NEBL: variants seen among roughly 807,000 people sequenced by gnomAD.
NEBL encodes nebulette, also known as LIM and SH3 protein 2.
In NEBL, 122 loss-of-function variants were observed where a neutral mutation model predicts 140.2. That is an observed-to-expected ratio of 0.87 (90% CI 0.75 to 1.01). The LOEUF (loss-of-function observed/expected upper bound fraction) is 1.01, where lower values mean the gene tolerates loss of function less well. NEBL is among the 50% of genes least tolerant of loss of function. The pLI, the probability that NEBL is intolerant of heterozygous loss-of-function variation, is 0.00. For synonymous variants in NEBL, 436 were observed against 398.9 expected, an observed-to-expected ratio of 1.09 and a Z score of -1.11; for missense variants, 1,365 against 1,231.3, an observed-to-expected ratio of 1.11 and a Z score of -1.62.
intron 2 of NEBL, among the ~76,000 whole-genome samples, chr10:21,150,193 C>G (rs549265546): frequency 1.3e-5 from 2 of 152,120 alleles, no homozygotes; most frequent in South Asian, 4.1e-4. Flanking sequence ...AAAATATGGA[C>G]CAAAAATATT....
At chr10:20,938,111 C>A (rs924247103) in intron 4 of NEBL, among the ~76,000 whole-genome samples, 6 of 152,228 alleles carry the variant, frequency 3.9e-5, no homozygotes, top group Non-Finnish European at 7.3e-5. Flanking sequence ...CAGCACACAG[C>A]TGGAGATCTG....
chr10:21,270,127 C>G (rs564399888), intron 1 of NEBL, among the ~76,000 whole-genome samples: 2 of 152,314 alleles, frequency 1.3e-5, no homozygotes, highest in East Asian at 3.9e-4. Flanking sequence ...TGGAATTCCA[C>G]TGAATGGTGG....
chr10:21,107,090 G>T (rs1005849822), intron 2 of NEBL, among the ~76,000 whole-genome samples: 1 of 152,082 alleles, frequency 6.6e-6, no homozygotes, highest in Non-Finnish European at 1.5e-5. Context: ...GGGCTGAGAC[G>T]ATGGGTTTTT....
chr10:21,158,369 G>A (rs73609207), intron 2 of NEBL, among the ~76,000 whole-genome samples: 5,013 of 152,270 alleles, frequency 0.033, 294 homozygotes, highest in African/African-American at 0.11. Flanking sequence ...TCTACTCTAT[G>A]TCAACTATTT....
intron 3 of NEBL, among the ~76,000 whole-genome samples, chr10:20,984,457 T>C (rs1217851840): frequency 1.3e-5 from 2 of 152,142 alleles, no homozygotes; most frequent in Non-Finnish European, 2.9e-5. Flanking sequence ...GGCAAATTGG[T>C]GAAAATTTTC....
At chr10:20,952,064 T>A (rs1835499174) in intron 4 of NEBL, among the ~76,000 whole-genome samples, 1 of 152,186 alleles carries the variant, frequency 6.6e-6, no homozygotes. Context: ...ACTTAAAAAC[T>A]TCACTACACT....
intron 4 of NEBL, among the ~76,000 whole-genome samples, chr10:20,904,342 T>C (rs556378771): frequency 2.0e-5 from 3 of 152,322 alleles, no homozygotes; most frequent in African/African-American, 7.2e-5. Context: ...TTGAACCAAC[T>C]GTAAGGTCTT....
rs114355498 is a variant in NEBL, at chr10:20,895,532, C to T, written c.153+1426G>A. ...AGCGCCTACCTCGCAAGCTGCAATC[C>T]CTGGCACACAATAGTCACTAAATCT... On this transcript the variant is annotated intron_variant, in intron 2 of 27. Transcript: ENST00000377122. Among the ~76,000 whole-genome samples the T allele has an allele frequency of 1.8e-3, 272 of 152,248 alleles. 1 individual carries two copies. The highest frequency in any genetic ancestry group is 6.0e-3 in the African/African-American group (249 of 41,534).
chr10:20,822,019 G>A (rs535466807), intron 19 of NEBL, among the ~76,000 whole-genome samples: 10 of 152,050 alleles, frequency 6.6e-5, no homozygotes, highest in African/African-American at 2.2e-4. Context: ...CTGCATAGCC[G>A]TCCTTCTGCG....
At chr10:21,228,391 C>A (rs186206491) in intron 3 of NEBL, among the ~76,000 whole-genome samples, 1 of 152,116 alleles carries the variant, frequency 6.6e-6, no homozygotes, top group South Asian at 2.1e-4. Flanking sequence ...TGGCCTTAAA[C>A]AATCCTCTCG....
intron 3 of NEBL, among the ~76,000 whole-genome samples, chr10:21,209,057 TC>T (rs1841874216): frequency 6.6e-6 from 1 of 152,166 alleles, no homozygotes; most frequent in Non-Finnish European, 1.5e-5. Context: ...CGGCTTCTCC[TC>T]CCTTCTTTCT....
chr10:20,899,665 C>T (rs987045138), upstream of NEBL: 4 of 312,150 alleles, frequency 1.3e-5, no homozygotes, highest in Non-Finnish European at 2.5e-5. Context: ...TTTACAAAGC[C>T]ATTCAATGAA....
At chr10:20,889,413 A>G (rs549848099) in intron 3 of NEBL, among the ~76,000 whole-genome samples, 9 of 152,316 alleles carry the variant, frequency 5.9e-5, no homozygotes, top group African/African-American at 2.2e-4. Context: ...TACATTTAAA[A>G]TTATTTATCA....
At chr10:20,789,990 A>G (rs1835815093) in intron 26 of NEBL, among the ~76,000 whole-genome samples, 1 of 151,396 alleles carries the variant, frequency 6.6e-6, no homozygotes, top group South Asian at 2.1e-4. Flanking sequence ...CATACAAGTT[A>G]TATTTATGCC....
intron 3 of NEBL, among the ~76,000 whole-genome samples, chr10:20,990,691 T>C (rs934717211): frequency 2.0e-5 from 3 of 152,222 alleles, no homozygotes. Context: ...AGAGAATTTA[T>C]GCAAGTTAAA....
At position 21,131,622 on chromosome 10, in the gene NEBL, A is replaced by T. The variant is rs543628956; in HGVS notation, c.164+40761T>A. 7.9e-5 allele frequency among the ~76,000 whole-genome samples: 12 copies of T among 152,326 alleles called. No individual in the cohort carries two copies. In the South Asian group the frequency reaches 2.3e-3, roughly 29 times the overall value. Reference sequence around the variant, plus strand: ...CAATGTGGAAAGAGACAACATTTCCATATGTTATTGTTTTCAAATCCATGT... The same window carrying T: ...CAATGTGGAAAGAGACAACATTTCCTTATGTTATTGTTTTCAAATCCATGT... On this transcript the variant is annotated intron_variant, in intron 2 of 6. Transcript: ENST00000417816.
At chr10:21,201,815 G>T (rs1841741274) in intron 3 of NEBL, among the ~76,000 whole-genome samples, 1 of 151,990 alleles carries the variant, frequency 6.6e-6, no homozygotes, top group Non-Finnish European at 1.5e-5. Flanking sequence ...TATTATGGAT[G>T]GTTTGGAAAA....
intron 2 of NEBL, among the ~76,000 whole-genome samples, chr10:21,060,209 G>A (rs921394393): frequency 1.3e-5 from 2 of 152,206 alleles, no homozygotes; most frequent in East Asian, 3.8e-4. Flanking sequence ...TCAGTGTAAA[G>A]CACAGATGGA....
chr10:21,151,906 T>C (rs1675504), intron 2 of NEBL, among the ~76,000 whole-genome samples: 33,431 of 152,148 alleles, frequency 0.22, 3,751 homozygotes, highest in East Asian at 0.32. Flanking sequence ...TTACTGATTG[T>C]TTGGTTTTGG....
Sources: allele counts gnomAD v4.1 joint callset (sites outside exome capture counted in the v4.1 genomes callset), GRCh38; gene constraint gnomAD v4.1.1; transcripts MANE v1.5; gene names NCBI Gene and HGNC (gene_info 2026-07-23, HGNC 2026-07-21).